The following RBMS3 variants were observed in gnomAD, a reference collection of about 807,000 sequenced individuals.
The protein encoded by RBMS3 is RNA-binding motif, single-stranded-interacting protein 3.
RBMS3 carries 27 observed loss-of-function variants against 66.8 expected under a neutral mutation model. The observed-to-expected ratio is 0.40, with a 90% CI of 0.30 to 0.56. The LOEUF is 0.56. Among genes scored for constraint, RBMS3 ranks in the 20% least tolerant of loss-of-function variants. RBMS3 has a pLI of 0.40. For synonymous variants in RBMS3, 188 were observed against 183.0 expected, an observed-to-expected ratio of 1.03 and a Z score of -0.22; for missense variants, 513 against 549.5, an observed-to-expected ratio of 0.93 and a Z score of 0.66.
chr3:29,914,743 T>TA (rs2060597089), intron 10 of RBMS3, among the ~76,000 whole-genome samples: 1 of 151,878 alleles, frequency 6.6e-6, no homozygotes, highest in Non-Finnish European at 1.5e-5. Flanking sequence ...GTTAGGAAAA[T>TA]AGAGATACTT....
At chr3:29,870,402 A>G (rs1038136898) in intron 7 of RBMS3, among the ~76,000 whole-genome samples, 1 of 152,310 alleles carries the variant, frequency 6.6e-6, no homozygotes, top group African/African-American at 2.4e-5. Flanking sequence ...ACAGACTATC[A>G]TCACAAAGCC....
Position 29,762,955 on chromosome 3 carries a change from T to C in RBMS3, c.603T>C (p.Asn201=). The change falls in exon 6 of 15, where the codon AAT becomes AAC. Residue 201 remains asparagine (N), a synonymous_variant. Transcript: ENST00000383767. ...EKCEVVIQHF[N]GKYLKTPPGI... The stretch of plus-strand genomic sequence containing the variant: ...GTGAAGTGGTAATTCAACATTTTAA[T>C]GGAAAATATCTGAAAACACCACCAG... 6.2e-7 allele frequency: 1 copy of C among 1,610,166 alleles called. No individual in the cohort carries two copies. Among genetic ancestry groups the C allele is most frequent in the Non-Finnish European group, 8.5e-7 (1 of 1,177,990 alleles).
At chr3:29,339,365 G>A (rs935885605) in intron 1 of RBMS3, among the ~76,000 whole-genome samples, 1 of 152,150 alleles carries the variant, frequency 6.6e-6, no homozygotes, top group African/African-American at 2.4e-5. Flanking sequence ...TCAGTGTTTC[G>A]TGTGCTGGTC....
At chr3:29,354,123 AC>A (rs1371070374) in intron 1 of RBMS3, among the ~76,000 whole-genome samples, 5 of 151,902 alleles carry the variant, frequency 3.3e-5, no homozygotes, top group Admixed American at 6.6e-5. Flanking sequence ...TTTTTAAATT[AC>A]CCTTACTATT....
chr3:29,587,306 G>A, intron 4 of RBMS3, 101 bp downstream of exon 4: 1 of 663,142 alleles, frequency 1.5e-6, no homozygotes, highest in Non-Finnish European at 2.3e-6. Flanking sequence ...TCAGGAGGAA[G>A]GAAGAAGGAG....
chr3:29,943,438 CA>C (rs1022510550), intron 11 of RBMS3, among the ~76,000 whole-genome samples: 3 of 151,764 alleles, frequency 2.0e-5, no homozygotes, highest in African/African-American at 4.8e-5. Context: ...TGCAGTGAGC[CA>C]AAAGCTCTTT....
At chr3:29,377,897 T>C (rs2038560843) in intron 1 of RBMS3, among the ~76,000 whole-genome samples, 1 of 152,234 alleles carries the variant, frequency 6.6e-6, no homozygotes, top group African/African-American at 2.4e-5. Flanking sequence ...AAACTAGTCT[T>C]TTAGCAAGAA....
At chr3:29,411,638 T>C (rs1490099546) in intron 1 of RBMS3, among the ~76,000 whole-genome samples, 1 of 152,158 alleles carries the variant, frequency 6.6e-6, no homozygotes, top group Admixed American at 6.5e-5. Context: ...TGCCCAACGG[T>C]GTTTGGATGA....
chr3:29,301,038 A>G (rs1471159344), intron 1 of RBMS3, among the ~76,000 whole-genome samples: 1 of 151,902 alleles, frequency 6.6e-6, no homozygotes, highest in Non-Finnish European at 1.5e-5. Flanking sequence ...GTCTGTGATG[A>G]CTCTAAAAAT....
At chr3:29,291,689 T>C (rs2125425004) in intron 1 of RBMS3, among the ~76,000 whole-genome samples, 1 of 151,926 alleles carries the variant, frequency 6.6e-6, no homozygotes, top group Middle Eastern at 3.4e-3. Flanking sequence ...AACTGACATT[T>C]CTTCCTTTTC....
At chr3:29,993,793 T>C (rs1055987925) in intron 14 of RBMS3, among the ~76,000 whole-genome samples, 7 of 152,366 alleles carry the variant, frequency 4.6e-5, no homozygotes, top group African/African-American at 1.7e-4. Context: ...AGACTCAAAC[T>C]AGAATTACAC....
chr3:29,341,912 A>G (rs1311896136), intron 1 of RBMS3, among the ~76,000 whole-genome samples: 2 of 152,164 alleles, frequency 1.3e-5, no homozygotes, highest in Non-Finnish European at 2.9e-5. Context: ...AAACACTACT[A>G]ACTGGATTTC....
At chr3:29,359,030 C>A (rs1337831819) in intron 1 of RBMS3, among the ~76,000 whole-genome samples, 1 of 152,120 alleles carries the variant, frequency 6.6e-6, no homozygotes, top group Non-Finnish European at 1.5e-5. Context: ...TAATTGAATG[C>A]CCTTTCTTTC....
chr3:29,703,282 A>G (rs2052716497), intron 4 of RBMS3, among the ~76,000 whole-genome samples: 1 of 152,240 alleles, frequency 6.6e-6, no homozygotes, highest in African/African-American at 2.4e-5. Context: ...TGATGAAGAC[A>G]GTAGGTATAA....
At chr3:29,717,313 T>C (rs1174415759) in intron 4 of RBMS3, among the ~76,000 whole-genome samples, 1 of 152,142 alleles carries the variant, frequency 6.6e-6, no homozygotes, top group East Asian at 1.9e-4. Flanking sequence ...GATGTTGTTG[T>C]AGTTTTTGCT....
chr3:29,998,579 T>G (rs1235273522), intron 14 of RBMS3, among the ~76,000 whole-genome samples: 1 of 152,018 alleles, frequency 6.6e-6, no homozygotes, highest in Non-Finnish European at 1.5e-5. Flanking sequence ...TACAGACCAA[T>G]GGAACAGAAC....
intron 10 of RBMS3, chr3:29,925,291 T>C (rs1195294959): frequency 6.6e-6 from 1 of 152,212 alleles, no homozygotes; most frequent in Admixed American, 6.5e-5. Context: ...TCTCTTACTA[T>C]TCTATGCGGC....
intron 14 of RBMS3, among the ~76,000 whole-genome samples, chr3:30,002,872 G>A (rs1699673280): frequency 6.6e-6 from 1 of 151,870 alleles, no homozygotes; most frequent in African/African-American, 2.4e-5. Flanking sequence ...ACATACCTTG[G>A]GGAGCAGACG....
At chr3:29,880,436 C>T (rs1476812294) in intron 7 of RBMS3, among the ~76,000 whole-genome samples, 2 of 152,128 alleles carry the variant, frequency 1.3e-5, no homozygotes. Flanking sequence ...GTAAACATGC[C>T]ATAATATTTA....
Sources: gnomAD v4.1 joint callset for allele counts (sites outside exome capture counted in the v4.1 genomes callset) on GRCh38, gnomAD v4.1.1 for gene constraint, MANE v1.5 for transcripts, NCBI Gene and HGNC (gene_info 2026-07-23, HGNC 2026-07-21) for gene names.